The following DNAJC1 variants were observed in gnomAD, a reference collection of about 807,000 sequenced individuals.
DNAJC1 encodes DnaJ heat shock protein family (Hsp40) member C1.
DNAJC1 carries 58 observed loss-of-function variants against 76.6 expected under a neutral mutation model. That is an observed-to-expected ratio of 0.76 (90% CI 0.61 to 0.94). The LOEUF is 0.94. DNAJC1 is among the 40% of genes least tolerant of loss of function. The probability of loss-of-function intolerance (pLI) is 0.00; values close to 1 mark genes in which losing one functional copy is unlikely to be tolerated. For missense variants in DNAJC1, 689 were observed against 677.3 expected, an observed-to-expected ratio of 1.02 and a Z score of -0.19; for synonymous variants, 258 against 267.9, an observed-to-expected ratio of 0.96 and a Z score of 0.36.
At chr10:21,987,248 G>C (rs994457222) in intron 1 of DNAJC1, among the ~76,000 whole-genome samples, 6 of 152,072 alleles carry the variant, frequency 3.9e-5, no homozygotes, top group African/African-American at 1.4e-4. Context: ...AAAATTTAAT[G>C]TTCTTAGTCT....
chr10:21,829,124 G>C (rs1835312124), intron 8 of DNAJC1, among the ~76,000 whole-genome samples: 1 of 152,088 alleles, frequency 6.6e-6, no homozygotes. Context: ...TCTGCCTCCT[G>C]GGTGCAAGCG....
chr10:21,780,719 T>C (rs183831460), intron 9 of DNAJC1, among the ~76,000 whole-genome samples: 154 of 152,274 alleles, frequency 1.0e-3, no homozygotes, highest in Non-Finnish European at 1.7e-3. Flanking sequence ...AACATCATAA[T>C]GACAGGATCA....
chr10:21,880,248 T>C (rs1262697865), intron 8 of DNAJC1, among the ~76,000 whole-genome samples: 1 of 152,246 alleles, frequency 6.6e-6, no homozygotes, highest in South Asian at 2.1e-4. Context: ...CAATGAAATC[T>C]TGAACCCAAA....
intron 1 of DNAJC1, among the ~76,000 whole-genome samples, chr10:21,981,129 A>G (rs1460348799): frequency 2.6e-5 from 4 of 152,206 alleles, no homozygotes; most frequent in Non-Finnish European, 5.9e-5. Flanking sequence ...CATGTAAACA[A>G]CTAAAACCTG....
intron 1 of DNAJC1, among the ~76,000 whole-genome samples, chr10:21,938,425 T>C (rs958895594): frequency 2.0e-5 from 3 of 152,088 alleles, no homozygotes; most frequent in Non-Finnish European, 2.9e-5. Flanking sequence ...TGCTACGTAA[T>C]AGCACTGAAA....
chr10:21,816,216 A>C (rs1165386611), intron 8 of DNAJC1, among the ~76,000 whole-genome samples: 2 of 149,900 alleles, frequency 1.3e-5, no homozygotes, highest in African/African-American at 4.9e-5. Flanking sequence ...AAAAACACAA[A>C]AATTAGGCAG....
intron 1 of DNAJC1, among the ~76,000 whole-genome samples, chr10:21,983,103 T>C (rs1048863106): frequency 6.6e-6 from 1 of 152,190 alleles, no homozygotes; most frequent in African/African-American, 2.4e-5. Context: ...CCAGCAATTC[T>C]TCCTCTAGGT....
chr10:21,882,467 T>C (rs780658154), intron 7 of DNAJC1, 28 bp from the exon 8 acceptor site: 22 of 1,378,326 alleles, frequency 1.6e-5, no homozygotes, highest in Non-Finnish European at 1.8e-5. Flanking sequence ...GAACCAATTA[T>C]TGAGATTTTT....
At chr10:21,798,016 C>T (rs1053049060) in intron 9 of DNAJC1, among the ~76,000 whole-genome samples, 1 of 152,164 alleles carries the variant, frequency 6.6e-6, no homozygotes, top group Non-Finnish European at 1.5e-5. Flanking sequence ...CAAGGTCATG[C>T]ATGTACATAG....
At chr10:21,954,291 T>A (rs1259895171) in intron 1 of DNAJC1, among the ~76,000 whole-genome samples, 2 of 152,192 alleles carry the variant, frequency 1.3e-5, no homozygotes, top group African/African-American at 4.8e-5. Context: ...AATCAGACAC[T>A]CTCATTGTAC....
chr10:21,859,445 G>T (rs1835888672), intron 8 of DNAJC1, among the ~76,000 whole-genome samples: 1 of 152,118 alleles, frequency 6.6e-6, no homozygotes, highest in African/African-American at 2.4e-5. Context: ...ACACTCAAAA[G>T]ATGTTAAGAA....
At chr10:21,836,884 GCTCCCT>G (rs952483061) in intron 8 of DNAJC1, among the ~76,000 whole-genome samples, 38 of 152,192 alleles carry the variant, frequency 2.5e-4, no homozygotes, top group African/African-American at 7.5e-4. Context: ...TAATGGGAGA[GCTCCCT>G]CTCCCTCTCC....
At chr10:21,977,306 G>A (rs1838082560) in intron 1 of DNAJC1, among the ~76,000 whole-genome samples, 2 of 151,980 alleles carry the variant, frequency 1.3e-5, no homozygotes, top group African/African-American at 4.8e-5. Context: ...CTTTTATTAT[G>A]TAGCTAAAAG....
intron 7 of DNAJC1, among the ~76,000 whole-genome samples, chr10:21,896,069 C>T (rs934905598): frequency 1.3e-5 from 2 of 152,174 alleles, no homozygotes; most frequent in African/African-American, 2.4e-5. Context: ...CAACAGATGC[C>T]TCATAGAGCC....
intron 8 of DNAJC1, among the ~76,000 whole-genome samples, chr10:21,872,877 C>A (rs1460237654): frequency 6.6e-6 from 1 of 152,150 alleles, no homozygotes; most frequent in African/African-American, 2.4e-5. Flanking sequence ...GTCTTACACC[C>A]AATTTCTGCC....
intron 9 of DNAJC1, among the ~76,000 whole-genome samples, chr10:21,772,658 A>G (rs1227312434): frequency 1.3e-5 from 2 of 151,838 alleles, no homozygotes; most frequent in Admixed American, 6.6e-5. Flanking sequence ...AATGCATGTT[A>G]ATTTTCTTGA....
intron 1 of DNAJC1, among the ~76,000 whole-genome samples, chr10:21,946,488 TTTA>T (rs1837507612): frequency 6.6e-6 from 1 of 152,130 alleles, no homozygotes; most frequent in African/African-American, 2.4e-5. Context: ...TTATAAATAT[TTTA>T]TTTTTATAAA....
chr10:21,894,151 A>G (rs1298749692), intron 7 of DNAJC1, among the ~76,000 whole-genome samples: 4 of 152,260 alleles, frequency 2.6e-5, no homozygotes, highest in Non-Finnish European at 5.9e-5. Flanking sequence ...TATAACTATA[A>G]ATCCAATTTA....
At chr10:21,776,859 G>C (rs1296161219) in intron 9 of DNAJC1, among the ~76,000 whole-genome samples, 2 of 152,128 alleles carry the variant, frequency 1.3e-5, no homozygotes, top group African/African-American at 4.8e-5. Flanking sequence ...GTGTAGTCTT[G>C]TAGATACTGT....
Sources: allele counts gnomAD v4.1 joint callset (sites outside exome capture counted in the v4.1 genomes callset), GRCh38; gene constraint gnomAD v4.1.1; transcripts MANE v1.5; gene names NCBI Gene and HGNC (gene_info 2026-07-23, HGNC 2026-07-21).